ZAN: variants seen among roughly 807,000 people sequenced by gnomAD.
The protein encoded by ZAN is zonadhesin.
ZAN carries 260 observed loss-of-function variants against 286.2 expected under a neutral mutation model. That is an observed-to-expected ratio of 0.91 (90% CI 0.82 to 1.01). The LOEUF (loss-of-function observed/expected upper bound fraction) is 1.01. ZAN is among the 50% of genes least tolerant of loss of function. The pLI is 0.00. For synonymous variants in ZAN, 1,368 were observed against 1,417.5 expected (o/e 0.97, Z 0.79); for missense variants, 3,410 against 3,639.2 (o/e 0.94, Z 1.62).
chr7:100,769,038 C>T (rs1304876696), intron 27 of ZAN, among the ~76,000 whole-genome samples: 1 of 152,016 alleles, frequency 6.6e-6, no homozygotes. Flanking sequence ...TTGAGGGCAC[C>T]GTTTTGTCCT....
In ZAN at chr7:100,736,968, C is replaced by T. The variant is rs1415466938; in HGVS notation, c.413C>T (p.Ser138Leu). ...WGAQLRLLLLSGEEGRRPDVL... is the reference protein window; with the variant it reads ...WGAQLRLLLLLGEEGRRPDVL... ...GCCCAGCTCAGGCTGCTGCTGCTCT[C>T]GGGTGAAGAGGGCCGCCGCCCCGAT... The change falls in exon 5 of 48, where the codon TCG (serine) becomes TTG (leucine). Residue 138 changes from serine to leucine, a missense_variant. Physicochemically the swap from Ser to Leu is moderately radical, Grantham distance 145. This residue lies in a region of ZAN where 872 missense variants were observed against 938.9 expected (regional missense o/e 0.93). Transcript: ENST00000613979. The T allele has an allele frequency of 2.7e-6, 4 of 1,504,278 alleles. No homozygotes were observed. Among genetic ancestry groups the T allele is most frequent in the African/African-American group, 2.8e-5 (2 of 70,972 alleles). The allele number at this position is 1,504,278 out of a possible 1,614,324, so 93.2% of individuals were successfully genotyped here.
In ZAN at chr7:100,760,484, G is replaced by C. The variant is rs752299970; in HGVS notation, c.3790G>C (p.Gly1264Arg). The C allele has an allele frequency of 3.1e-6, 5 of 1,613,976 alleles. No individual in the cohort carries two copies. In the Admixed American group the frequency reaches 5.0e-5, roughly 16 times the overall value. The change falls in exon 19 of 48, where the codon GGT (glycine) becomes CGT (arginine). Residue 1264 changes from glycine to arginine, a missense_variant. Transcript: ENST00000613979. ...GTTTGTGGAGCTGCAGACGGAGTTCGGTTTGCGGGTGAGATGGGATGGTGA... is the reference window on the plus strand; with the variant it reads ...GTTTGTGGAGCTGCAGACGGAGTTCCGTTTGCGGGTGAGATGGGATGGTGA... ...GRFVELQTEF[G>R]LRVRWDGDQQ...
At chr7:100,748,750 G>C (rs1316444993) in intron 11 of ZAN, among the ~76,000 whole-genome samples, 1 of 152,130 alleles carries the variant, frequency 6.6e-6, no homozygotes, top group African/African-American at 2.4e-5. Flanking sequence ...CAGTCTAGAC[G>C]TTTATGAGTG....
intron 5 of ZAN, 87 bp from the exon 6 acceptor site, chr7:100,737,175 A>T: frequency 7.0e-7 from 1 of 1,421,982 alleles, no homozygotes; most frequent in East Asian, 2.5e-5. Flanking sequence ...TGTGGGGGCC[A>T]AGCCATCTGA....
At chr7:100,785,433 G>A (rs1306697617) in intron 36 of ZAN, among the ~76,000 whole-genome samples, 1 of 152,022 alleles carries the variant, frequency 6.6e-6, no homozygotes, top group Non-Finnish European at 1.5e-5. Flanking sequence ...GTTTCACCAT[G>A]TTGGCCAGGC....
Position 100,775,831 on chromosome 7 carries a change from A to C in ZAN, c.6190A>C (p.Lys2064Gln). ...EIEIPTTYYG[K>Q]VCGMCGNFND... ...TGAAATCCCCACAACCTACTATGGA[A>C]AGGTGAGGAAAACATCTGGCTCTTC... Residue 2064 changes from lysine to glutamine, a missense_variant and splice_region_variant, in exon 33 of 48, where the codon AAG becomes CAG. Physicochemically the swap from Lys to Gln is moderately conservative, Grantham distance 53. Transcript: ENST00000613979. 1 of 1,613,498 alleles carries C rather than the reference A, an allele frequency of 6.2e-7. No individual in the cohort carries two copies. The highest frequency in any genetic ancestry group is 1.3e-5 in the African/African-American group (1 of 75,022).
At chr7:100,770,764 C>T (rs1232599492) in intron 28 of ZAN, among the ~76,000 whole-genome samples, 1 of 151,960 alleles carries the variant, frequency 6.6e-6, no homozygotes, top group African/African-American at 2.4e-5. Flanking sequence ...AAGTAATCCT[C>T]CCGCCTCAGC....
At position 100,773,493 on chromosome 7, in the gene ZAN, G is replaced by C. The variant is rs779344893; in HGVS notation, c.5634G>C (p.Pro1878=). The C allele has an allele frequency of 2.5e-6, 4 of 1,612,952 alleles. No homozygotes were observed. The highest frequency in any genetic ancestry group is 1.3e-5 in the African/African-American group (1 of 74,914). ...CTGACCCAGCGGGCTCCTACCACCC[G>C]GTGAGAGGCCAGCTAGGAGGGGCCC... is the stretch of plus-strand genomic sequence containing the variant. ...GCTDPAGSYH[P]VGERWYTENT... is the part of the protein sequence containing the mutation. The change falls in exon 30 of 48, where the codon CCG becomes CCC. Residue 1878 remains proline (P), a splice_region_variant and synonymous_variant. Transcript: ENST00000613979.
intron 19 of ZAN, among the ~76,000 whole-genome samples, 154 bp from the exon 20 acceptor site, chr7:100,762,061 G>C (rs1481538941): frequency 6.6e-6 from 1 of 152,082 alleles, no homozygotes; most frequent in Non-Finnish European, 1.5e-5. Context: ...AGGCTTGGGG[G>C]AGGGCCATGG....
intron 44 of ZAN, among the ~76,000 whole-genome samples, chr7:100,794,539 T>A (rs1308372222): frequency 1.3e-5 from 2 of 152,096 alleles, no homozygotes; most frequent in Non-Finnish European, 2.9e-5. Context: ...TCAGAGAGGT[T>A]AAGCAGTTTC....
At chr7:100,790,217 T>G (rs563333812) in intron 39 of ZAN, among the ~76,000 whole-genome samples, 1 of 152,000 alleles carries the variant, frequency 6.6e-6, no homozygotes, top group Non-Finnish European at 1.5e-5. Flanking sequence ...TGAGCCATGA[T>G]TGAGCCACTG....
At position 100,783,783 on chromosome 7, in the gene ZAN, T is replaced by TATATATATAC. The variant is rs377402352; in HGVS notation, c.6623-839_6623-838insTATATATACA. Among the ~76,000 whole-genome samples, 114 of 20,474 alleles carry TATATATATAC rather than the reference T, an allele frequency of 5.6e-3. 11 individuals carry two copies. Among genetic ancestry groups the TATATATATAC allele is most frequent in the South Asian group, 0.025 (13 of 522 alleles). 13.4% of individuals were successfully genotyped at this position (20,474 alleles called of 152,430 possible). A position where few individuals can be genotyped will look rare whatever the true frequency, so the allele number is the denominator to read the frequency against. On this transcript the variant is annotated intron_variant, in intron 35 of 47. Coordinates refer to ENST00000613979, the MANE Select transcript of ZAN (RefSeq NM_003386.3). Reference sequence around the variant, plus strand: ...AAAAAAATATATATATATATATATATACACATATATATATATACACACATA... The same window carrying TATATATATAC: ...AAAAAAATATATATATATATATATATATATATATACACACATATATATATATACACACATA...
intron 35 of ZAN, among the ~76,000 whole-genome samples, chr7:100,784,286 C>T (rs925132128): frequency 3.3e-5 from 5 of 151,780 alleles, no homozygotes; most frequent in East Asian, 1.9e-4. Context: ...CCCACCACCA[C>T]GCTTGGCTAA....
At chr7:100,773,181 T>C (rs1810505890) in intron 29 of ZAN, 104 bp from the exon 30 acceptor site, 5 of 1,263,652 alleles carry the variant, frequency 4.0e-6, no homozygotes, top group Non-Finnish European at 5.4e-6. Context: ...TGGGATTACA[T>C]GTGCGAGCTA....
intron 38 of ZAN, 116 bp downstream of exon 38, chr7:100,788,252 G>A (rs1811706227): frequency 2.9e-6 from 4 of 1,363,738 alleles, no homozygotes; most frequent in Non-Finnish European, 2.9e-6. Context: ...GGGTGGGCTG[G>A]TTGTAAAATC....
chr7:100,755,130 T>C, intron 14 of ZAN, 96 bp from the exon 15 acceptor site: 1 of 1,409,734 alleles, frequency 7.1e-7, no homozygotes, highest in Non-Finnish European at 9.6e-7. Flanking sequence ...TCCTGTTTCC[T>C]AGAGAAGAAC....
intron 26 of ZAN, 89 bp from the exon 27 acceptor site, chr7:100,768,520 GA>G: frequency 9.2e-7 from 1 of 1,088,408 alleles, no homozygotes; most frequent in Non-Finnish European, 1.3e-6. Flanking sequence ...TATGTAGAAT[GA>G]AAAGTGAGGG....
At position 100,771,489 on chromosome 7, in the gene ZAN, T is replaced by A. The variant is rs572265308; in HGVS notation, c.5249-355T>A. 1.5e-3 allele frequency among the ~76,000 whole-genome samples: 221 copies of A among 151,354 alleles called. 3 individuals carry two copies. The highest frequency in any genetic ancestry group is 4.9e-3 in the African/African-American group (203 of 41,224). ...ATCTGTTGCCCAGGCTGGAGTGCAA[T>A]GGCACAATCTCAGCTCACTGCCACC... On this transcript the variant is annotated intron_variant, in intron 28 of 47. Coordinates refer to ENST00000613979, the MANE Select transcript of ZAN (RefSeq NM_003386.3).
chr7:100,793,568 G>A lies in ZAN; in HGVS notation c.7788-252G>A, dbSNP rs112295498. Among the ~76,000 whole-genome samples, 3 of 152,114 alleles carry A rather than the reference G, an allele frequency of 2.0e-5. 1 individual carries two copies. The highest frequency in any genetic ancestry group is 7.2e-5 in the African/African-American group (3 of 41,500). ...GATTCTTGTCTCAGCCTCCCGAGTA[G>A]CTGGTATTACAGGTGCCCGCCACCA... is the stretch of plus-strand genomic sequence containing the variant. On this transcript the variant is annotated intron_variant, in intron 42 of 47. Transcript: ENST00000613979.
Sources: allele counts gnomAD v4.1 joint callset (sites outside exome capture counted in the v4.1 genomes callset), GRCh38; gene constraint gnomAD v4.1.1; regional missense constraint gnomAD v4.1.1; transcripts MANE v1.5; gene names NCBI Gene and HGNC (gene_info 2026-07-23, HGNC 2026-07-21).